KCNS1: variants seen among roughly 807,000 people sequenced by gnomAD.
KCNS1 encodes the protein delayed-rectifier potassium channel regulatory subunit KCNS1.
KCNS1 carries 26 observed loss-of-function variants against 33.1 expected under a neutral mutation model. The ratio of observed to expected loss-of-function variants is 0.79; its 90% CI spans 0.58 to 1.09. KCNS1 has a LOEUF of 1.09. KCNS1 is among the 50% of genes least tolerant of loss of function. The pLI, the probability that KCNS1 is intolerant of heterozygous loss-of-function variation, is 0.00. For synonymous variants in KCNS1, 299 were observed against 338.8 expected (o/e 0.88, Z 1.29); for missense variants, 702 against 752.4 (o/e 0.93, Z 0.78).
Position 45,094,583 on chromosome 20 carries a change from G to A in KCNS1, c.*287C>T, listed in dbSNP as rs1412197937. On this transcript the variant is annotated 3_prime_UTR_variant, in exon 4 of 4. Transcript: ENST00000537075. ...ACATGACCTGGTTCATGTACAGGAG[G>A]TGCTCAGGAATCATTAGTATCCTTT... The A allele has an allele frequency of 2.9e-6, 1 of 344,034 alleles. No homozygotes were observed. The highest frequency in any genetic ancestry group is 2.1e-5 in the African/African-American group (1 of 47,940). 21.3% of individuals were successfully genotyped at this position (344,034 alleles called of 1,614,324 possible).
At position 45,093,791 on chromosome 20, in the gene KCNS1, G is replaced by A. The variant is rs1981080981; in HGVS notation, c.*1079C>T. On this transcript the variant is annotated 3_prime_UTR_variant, in exon 4 of 4. Coordinates refer to ENST00000537075, the MANE Select transcript of KCNS1 (RefSeq NM_001322799.2). ...ACAATGTAGGGCTGGACGTCTGTGTGATGGGCAGAAAGGAACTGCCAAGGT... is the reference window on the plus strand; with the variant it reads ...ACAATGTAGGGCTGGACGTCTGTGTAATGGGCAGAAAGGAACTGCCAAGGT... 1 of 152,554 alleles carries A rather than the reference G, an allele frequency of 6.6e-6. No individual in the cohort carries two copies. Among genetic ancestry groups the A allele is most frequent in the African/African-American group, 2.4e-5 (1 of 41,466 alleles). The allele number at this position is 152,554 out of a possible 1,614,324, so 9.5% of individuals were successfully genotyped here.
In KCNS1 at chr20:45,092,056, C is replaced by T. The variant is rs1465359471; in HGVS notation, c.*2814G>A. ...CTTGATGTCAGTTTGTTGCTTATACCCTCAAACTCTAATTGTTAACAGTCA... is the reference window on the plus strand; with the variant it reads ...CTTGATGTCAGTTTGTTGCTTATACTCTCAAACTCTAATTGTTAACAGTCA... On this transcript the variant is annotated 3_prime_UTR_variant, in exon 4 of 4. Transcript: ENST00000537075. Among the ~76,000 whole-genome samples the T allele has an allele frequency of 6.6e-6, 1 of 152,086 alleles. No homozygotes were observed. Among genetic ancestry groups the T allele is most frequent in the Non-Finnish European group, 1.5e-5 (1 of 68,006 alleles).
intron 3 of KCNS1, among the ~76,000 whole-genome samples, chr20:45,095,675 C>A (rs1227590906): frequency 6.6e-6 from 1 of 152,172 alleles, no homozygotes; most frequent in Non-Finnish European, 1.5e-5. Context: ...CCAAGAGAAC[C>A]ATAGTTTATA....
Position 45,098,500 on chromosome 20 carries a change from A to C in KCNS1, c.272T>G (p.Leu91Arg). Residue 91 changes from leucine to arginine, a missense_variant, in exon 3 of 4, where the codon CTG becomes CGG. By Grantham distance (102) the Leu-to-Arg change is moderately radical. Around this residue, in one of 3 missense-constraint regions of KCNS1, gnomAD observed 374 missense variants for 352.3 expected, o/e 1.06. Transcript: ENST00000537075. This position sits in a 1 kb window ranked among gnomAD's most constrained non-coding sequence, Gnocchi z 5.2. ...AAASEEQARR[L>R]CDDYDEAARE... is the part of the protein sequence containing the mutation. ...CGCCGCCTCGTCGTAGTCGTCGCAC[A>C]GGCGCCGCGCCTGCTCCTCCGACGC... The C allele has an allele frequency of 6.5e-7, 1 of 1,543,828 alleles. No individual in the cohort carries two copies. Among genetic ancestry groups the C allele is most frequent in the Non-Finnish European group, 8.7e-7 (1 of 1,145,180 alleles).
In KCNS1 at chr20:45,092,253, C is replaced by G. The variant is rs1981020880; in HGVS notation, c.*2617G>C. Reference sequence around the variant, plus strand: ...TCATTCCACATATTGCCCACCCTCTCCAATCACTCAGACAGCATGTCAGGG... The same window carrying G: ...TCATTCCACATATTGCCCACCCTCTGCAATCACTCAGACAGCATGTCAGGG... On this transcript the variant is annotated 3_prime_UTR_variant, in exon 4 of 4. Coordinates refer to ENST00000537075, the MANE Select transcript of KCNS1 (RefSeq NM_001322799.2). 1 of 152,126 alleles carries G rather than the reference C, an allele frequency of 6.6e-6. No homozygotes were observed. The highest frequency in any genetic ancestry group is 6.5e-5 in the Admixed American group (1 of 15,270). The allele number at this position is 152,126 out of a possible 1,614,324, so 9.4% of individuals were successfully genotyped here.
Position 45,099,980 on chromosome 20 carries a change from A to T in KCNS1, c.-3-741T>A, listed in dbSNP as rs567626464. Reference sequence around the variant, plus strand: ...CACCCTTAGCTCTATCACTTGTGTGACCTCAGGCCAGTCTCCTTCCCACTC... The same window carrying T: ...CACCCTTAGCTCTATCACTTGTGTGTCCTCAGGCCAGTCTCCTTCCCACTC... On this transcript the variant is annotated intron_variant, in intron 1 of 3. Coordinates refer to ENST00000537075, the MANE Select transcript of KCNS1 (RefSeq NM_001322799.2). 1.4e-4 allele frequency among the ~76,000 whole-genome samples: 21 copies of T among 152,284 alleles called. No homozygotes were observed. The South Asian group carries it at 4.1e-3, about 30-fold the overall frequency.
At chr20:45,099,664 CT>C (rs1332013774) in intron 1 of KCNS1, among the ~76,000 whole-genome samples, 1 of 152,154 alleles carries the variant, frequency 6.6e-6, no homozygotes, top group Admixed American at 6.5e-5. Context: ...CTTGAGGAAG[CT>C]ATTTGTCCTC....
Position 45,098,155 on chromosome 20 carries a change from A to G in KCNS1, c.617T>C (p.Leu206Pro). The G allele has an allele frequency of 6.3e-7, 1 of 1,598,590 alleles. No homozygotes were observed. Among genetic ancestry groups the G allele is most frequent in the Non-Finnish European group, 8.5e-7 (1 of 1,174,074 alleles). The change falls in exon 3 of 4, where the codon CTC becomes CCC. Residue 206 changes from leucine to proline, a missense_variant. Transcript: ENST00000537075. This position sits in a 1 kb window ranked among gnomAD's most constrained non-coding sequence, Gnocchi z 5.2. ...GCCCGGGTTCTCCATGGTCAGCCAGAGGCGGCGGCGCAGGCGGCCACAGCG... is the reference window on the plus strand; with the variant it reads ...GCCCGGGTTCTCCATGGTCAGCCAGGGGCGGCGGCGCAGGCGGCCACAGCG... ...AARCGRLRRR[L>P]WLTMENPGYS...
intron 3 of KCNS1, 56 bp from the exon 4 acceptor site, chr20:45,095,396 TA>T: frequency 6.8e-7 from 1 of 1,477,772 alleles, no homozygotes; most frequent in East Asian, 2.3e-5. Context: ...GTCCTGGTAT[TA>T]GGCATATGGG....
chr20:45,095,248 C>G lies in KCNS1; in HGVS notation c.1203G>C (p.Glu401Asp). 1.2e-6 allele frequency: 2 copies of G among 1,614,140 alleles called. No homozygotes were observed. Among genetic ancestry groups the G allele is most frequent in the Non-Finnish European group, 1.7e-6 (2 of 1,180,032 alleles). The change falls in exon 4 of 4, where the codon GAG becomes GAC. Residue 401 changes from glutamate to aspartate, a missense_variant. This residue lies in a region of KCNS1 where 253 missense variants were observed against 327.4 expected (regional missense o/e 0.77). Coordinates refer to ENST00000537075, the MANE Select transcript of KCNS1 (RefSeq NM_001322799.2). Reference sequence around the variant, plus strand: ...CTGGGATGGTGTTAAAGCCCACGTCCTCCTCCTTTTCAGCTGTGTAGGCCA... The same window carrying G: ...CTGGGATGGTGTTAAAGCCCACGTCGTCCTCCTTTTCAGCTGTGTAGGCCA... ...SGVAYTAEKEEDVGFNTIPAC... is the reference protein window; with the variant it reads ...SGVAYTAEKEDDVGFNTIPAC...
chr20:45,093,083 G>GT lies in KCNS1; in HGVS notation c.*1786dup, dbSNP rs1181583991. ...CTGGGCATAACACAACGGCATGTGT[G>GT]TCTGTTTGTGGGTGGCAGCGGGGGA... On this transcript the variant is annotated 3_prime_UTR_variant, in exon 4 of 4. Coordinates refer to ENST00000537075, the MANE Select transcript of KCNS1 (RefSeq NM_001322799.2). 6.6e-6 allele frequency: 1 copy of GT among 152,106 alleles called. No individual in the cohort carries two copies. The highest frequency in any genetic ancestry group is 1.9e-4 in the East Asian group (1 of 5,170). The allele number at this position is 152,106 out of a possible 1,614,324, so 9.4% of individuals were successfully genotyped here. A position where few individuals can be genotyped will look rare whatever the true frequency, so the allele number is the denominator to read the frequency against.
chr20:45,094,987 G>A lies in KCNS1; in HGVS notation c.1464C>T (p.Ser488=), dbSNP rs754548784. The A allele has an allele frequency of 4.3e-6, 7 of 1,613,686 alleles. No homozygotes were observed. Among genetic ancestry groups the A allele is most frequent in the Non-Finnish European group, 5.9e-6 (7 of 1,179,936 alleles). Residue 488 remains serine, a synonymous_variant, in exon 4 of 4, where the codon AGC becomes AGT. Coordinates refer to ENST00000537075, the MANE Select transcript of KCNS1 (RefSeq NM_001322799.2). ...NHQEFEDLLS[S]IDGVSEASLE... ...GAGATGCCTCCGACACCCCATCAAT[G>A]CTGCTCAGCAAGTCCTCAAACTCTT...
In KCNS1 at chr20:45,091,531, C is replaced by T. The variant is rs1981000806; in HGVS notation, c.*3339G>A. 2.0e-5 allele frequency among the ~76,000 whole-genome samples: 3 copies of T among 152,238 alleles called. No individual in the cohort carries two copies. Among genetic ancestry groups the T allele is most frequent in the African/African-American group, 7.2e-5 (3 of 41,452 alleles). On this transcript the variant is annotated 3_prime_UTR_variant, in exon 4 of 4. Transcript: ENST00000537075. ...TCTTCCTTTGGTCGGGTGAATTTCA[C>T]AGATACCCTTCTGTAGTGGGCCAGA...
rs773997776 is a variant in KCNS1, at chr20:45,098,484, G to A, written c.288C>T (p.Asp96=). ...EQARRLCDDY[D]EAAREFYFDR... ...CGAAGTAGAATTCGCGCGCCGCCTC[G>A]TCGTAGTCGTCGCACAGGCGCCGCG... The change falls in exon 3 of 4, where the codon GAC becomes GAT. Residue 96 remains aspartate, a synonymous_variant. Coordinates refer to ENST00000537075, the MANE Select transcript of KCNS1 (RefSeq NM_001322799.2). This position sits in a 1 kb window ranked among gnomAD's most constrained non-coding sequence, Gnocchi z 5.2. 5 of 1,556,166 alleles carry A rather than the reference G, an allele frequency of 3.2e-6. No individual in the cohort carries two copies. In the East Asian group the frequency reaches 1.2e-4, roughly 38 times the overall value.
In KCNS1 at chr20:45,098,088, G is replaced by C; in HGVS notation, c.684C>G (p.Ser228Arg). 1 of 1,572,120 alleles carries C rather than the reference G, an allele frequency of 6.4e-7. No individual in the cohort carries two copies. Among genetic ancestry groups the C allele is most frequent in the Non-Finnish European group, 8.6e-7 (1 of 1,159,694 alleles). The part of the protein sequence containing the change: ...PSKLFSCVSI[S>R]VVLASIAAMC... Reference sequence around the variant, plus strand: ...TGGCGGCGATGGAGGCGAGCACCACGCTGATGGAGACGCAGCTGAAGAGCT... The same window carrying C: ...TGGCGGCGATGGAGGCGAGCACCACCCTGATGGAGACGCAGCTGAAGAGCT... Residue 228 changes from serine (S) to arginine (R), a missense_variant, in exon 3 of 4, where the codon AGC (serine) becomes AGG (arginine). Ser to Arg is a moderately radical substitution (Grantham distance 110, BLOSUM62 -1). Coordinates refer to ENST00000537075, the MANE Select transcript of KCNS1 (RefSeq NM_001322799.2). This position sits in a 1 kb window ranked among gnomAD's most constrained non-coding sequence, Gnocchi z 5.2.
At chr20:45,096,890 GTCC>G (rs1036143065) in intron 3 of KCNS1, among the ~76,000 whole-genome samples, 242 of 152,288 alleles carry the variant, frequency 1.6e-3, no homozygotes, top group African/African-American at 5.2e-3. Context: ...TTCCCTCCAT[GTCC>G]TCCTCCCAGC....
In KCNS1 at chr20:45,098,214, G is replaced by T. The variant is rs1373549465; in HGVS notation, c.558C>A (p.Asp186Glu). The stretch of plus-strand genomic sequence containing the variant: ...CATAGCGCGCCAGTTCTCGCTGCAC[G>T]TCGGAGATCTCGTCGGGGCACGGGT... The part of the protein sequence containing the change: ...SVDPCPDEIS[D>E]VQRELARYGA... Residue 186 changes from aspartate to glutamate, a missense_variant, in exon 3 of 4, where the codon GAC (aspartate) becomes GAA (glutamate). Around this residue, in one of 3 missense-constraint regions of KCNS1, gnomAD observed 374 missense variants for 352.3 expected, o/e 1.06. Coordinates refer to ENST00000537075, the MANE Select transcript of KCNS1 (RefSeq NM_001322799.2). This position sits in a 1 kb window ranked among gnomAD's most constrained non-coding sequence, Gnocchi z 5.2. 1.9e-6 allele frequency: 3 copies of T among 1,605,056 alleles called. No homozygotes were observed. Among genetic ancestry groups the T allele is most frequent in the Non-Finnish European group, 2.5e-6 (3 of 1,176,566 alleles).
At chr20:45,096,082 A>G (rs1981174918) in intron 3 of KCNS1, among the ~76,000 whole-genome samples, 1 of 152,232 alleles carries the variant, frequency 6.6e-6, no homozygotes, top group South Asian at 2.1e-4. Context: ...TGCGAGGCTG[A>G]GAACCCCTAG....
intron 3 of KCNS1, among the ~76,000 whole-genome samples, chr20:45,095,591 T>C (rs537926834): frequency 4.6e-5 from 7 of 152,306 alleles, no homozygotes; most frequent in Non-Finnish European, 8.8e-5. Flanking sequence ...ACAGCTGTTT[T>C]TTCCAACTCC....
Sources: gnomAD v4.1 joint callset for allele counts (sites outside exome capture counted in the v4.1 genomes callset) on GRCh38, gnomAD v4.1.1 for gene constraint, gnomAD v4.1.1 regional missense constraint, Gnocchi (gnomAD v3.1) non-coding constraint, MANE v1.5 for transcripts, NCBI Gene and HGNC (gene_info 2026-07-23, HGNC 2026-07-21) for gene names.